EPHB1: variants seen among roughly 807,000 people sequenced by gnomAD.
The protein encoded by EPHB1 is EPH receptor B1.
Under a neutral mutation model 94.4 loss-of-function variants are expected in EPHB1, and 30 were observed. The ratio of observed to expected loss-of-function variants is 0.32; its 90% confidence interval spans 0.24 to 0.43. EPHB1 has a LOEUF of 0.43. EPHB1 is among the 20% of genes least tolerant of loss of function. EPHB1 has a pLI of 1.00. For missense variants in EPHB1, 1,055 were observed against 1,308.3 expected (o/e 0.81, Z 2.99); for synonymous variants, 522 against 489.1 (o/e 1.07, Z -0.89).
At chr3:134,981,670 T>A (rs1458252694) in intron 3 of EPHB1, among the ~76,000 whole-genome samples, 2 of 152,216 alleles carry the variant, frequency 1.3e-5, no homozygotes, top group African/African-American at 4.8e-5. Flanking sequence ...CCTGCGTGCA[T>A]CTGTGCACCC....
rs2107728072 is a variant in EPHB1, at chr3:135,241,187, A to G, written c.2386A>G (p.Ile796Val). The G allele has an allele frequency of 1.2e-6, 2 of 1,614,200 alleles. No individual in the cohort carries two copies. Among genetic ancestry groups the G allele is most frequent in the Middle Eastern group, 1.6e-4 (1 of 6,062 alleles). ...TGTGAGATGGACAGCTCCAGAGGCCATCGCCTACCGCAAGTTCACTTCAGC... is the reference window on the plus strand; with the variant it reads ...TGTGAGATGGACAGCTCCAGAGGCCGTCGCCTACCGCAAGTTCACTTCAGC... ...IPVRWTAPEA[I>V]AYRKFTSASD... is the part of the protein sequence containing the mutation. Residue 796 changes from isoleucine to valine, a missense_variant, in exon 13 of 16, where the codon ATC becomes GTC. Coordinates refer to ENST00000398015, the MANE Select transcript of EPHB1 (RefSeq NM_004441.5).
At chr3:134,896,375 G>A (rs941040876) in intron 1 of EPHB1, among the ~76,000 whole-genome samples, 13 of 152,312 alleles carry the variant, frequency 8.5e-5, no homozygotes, top group African/African-American at 3.1e-4. Context: ...ATCAGCACAA[G>A]GGGGACAATC....
In EPHB1 at chr3:135,053,007, ATATATATG is replaced by A. The variant is rs1559811021; in HGVS notation, c.806-53439_806-53432del. On this transcript the variant is annotated intron_variant, in intron 3 of 15. Coordinates refer to ENST00000398015, the MANE Select transcript of EPHB1 (RefSeq NM_004441.5). ...TGTGTGTGTATATATATGTGTGTGT[ATATATATG>A]TGTGTGTGTGTGTATATATATATAT... Among the ~76,000 whole-genome samples the A allele has an allele frequency of 5.9e-4, 20 of 33,910 alleles. 2 individuals carry two copies. Among genetic ancestry groups the A allele is most frequent in the African/African-American group, 2.7e-3 (20 of 7,282 alleles). The allele number at this position is 33,910 out of a possible 152,430, so 22.2% of individuals were successfully genotyped here. A position where few individuals can be genotyped will look rare whatever the true frequency, so the allele number is the denominator to read the frequency against.
intron 1 of EPHB1, among the ~76,000 whole-genome samples, chr3:134,836,725 A>T (rs558510221): frequency 6.6e-6 from 1 of 152,378 alleles, no homozygotes; most frequent in South Asian, 2.1e-4. Context: ...AACAACAAAT[A>T]CAAATCAGCT....
intron 1 of EPHB1, among the ~76,000 whole-genome samples, chr3:134,819,283 G>T (rs1319238861): frequency 1.3e-5 from 2 of 152,048 alleles, no homozygotes; most frequent in African/African-American, 4.8e-5. Flanking sequence ...TATGCCTTAG[G>T]GGATGGCAGC....
chr3:135,243,499 C>T (rs936992578), intron 13 of EPHB1, among the ~76,000 whole-genome samples: 3 of 152,162 alleles, frequency 2.0e-5, no homozygotes, highest in African/African-American at 7.2e-5. Context: ...TTTGCGTGCT[C>T]CTTCAAAATA....
chr3:135,258,268 G>C (rs1933502996), intron 15 of EPHB1, among the ~76,000 whole-genome samples: 1 of 152,198 alleles, frequency 6.6e-6, no homozygotes, highest in Non-Finnish European at 1.5e-5. Context: ...CATTGTGTTT[G>C]CAGTGGTTTC....
At chr3:135,179,737 G>T (rs970555002) in intron 9 of EPHB1, 123 bp from the exon 10 acceptor site, 2 of 1,160,796 alleles carry the variant, frequency 1.7e-6, no homozygotes, top group Admixed American at 4.3e-5. Context: ...GCAGAGAAAA[G>T]TTGCAGCCTG....
intron 4 of EPHB1, among the ~76,000 whole-genome samples, chr3:135,132,251 G>A (rs1190618101): frequency 6.6e-6 from 1 of 152,208 alleles, no homozygotes; most frequent in Non-Finnish European, 1.5e-5. Flanking sequence ...TCCCAAATGT[G>A]TGAGATTTTG....
chr3:134,875,886 A>G (rs1401607159), intron 1 of EPHB1, among the ~76,000 whole-genome samples: 1 of 152,030 alleles, frequency 6.6e-6, no homozygotes, highest in African/African-American at 2.4e-5. Context: ...CCAGCATCCC[A>G]CCTGACATCC....
At chr3:134,976,819 A>C (rs1483904062) in intron 3 of EPHB1, among the ~76,000 whole-genome samples, 1 of 152,160 alleles carries the variant, frequency 6.6e-6, no homozygotes, top group Non-Finnish European at 1.5e-5. Flanking sequence ...ATCCTAATAG[A>C]AACAGCAGCT....
chr3:134,885,545 A>G (rs571326003), intron 1 of EPHB1, among the ~76,000 whole-genome samples: 11 of 152,334 alleles, frequency 7.2e-5, no homozygotes, highest in Admixed American at 7.2e-4. Context: ...AGGAGAGTTG[A>G]CCAAGAGGCA....
At chr3:134,943,180 A>C (rs1193005367) in intron 2 of EPHB1, among the ~76,000 whole-genome samples, 1 of 152,220 alleles carries the variant, frequency 6.6e-6, no homozygotes, top group Non-Finnish European at 1.5e-5. Flanking sequence ...GTCATGACCA[A>C]CATGGTCTAG....
At chr3:135,058,040 G>T (rs1490225218) in intron 3 of EPHB1, among the ~76,000 whole-genome samples, 1 of 152,246 alleles carries the variant, frequency 6.6e-6, no homozygotes. Context: ...GTTCTCTGAG[G>T]CAAGATGGGA....
chr3:134,950,629 G>A (rs1932992742), intron 2 of EPHB1, among the ~76,000 whole-genome samples: 1 of 152,058 alleles, frequency 6.6e-6, no homozygotes, highest in Non-Finnish European at 1.5e-5. Flanking sequence ...GAGAGAAGGG[G>A]GAGCTCCCAG....
chr3:135,247,984 C>T (rs1003680160), intron 13 of EPHB1, among the ~76,000 whole-genome samples: 2 of 152,166 alleles, frequency 1.3e-5, no homozygotes. Flanking sequence ...CAGAATTGGG[C>T]CCTATGTCTT....
intron 1 of EPHB1, among the ~76,000 whole-genome samples, chr3:134,895,079 C>T (rs1170983389): frequency 2.6e-5 from 4 of 152,226 alleles, no homozygotes. Context: ...AATCACTTTC[C>T]TCTCTTCTGG....
intron 3 of EPHB1, among the ~76,000 whole-genome samples, chr3:135,078,461 G>C (rs1938027828): frequency 6.6e-6 from 1 of 152,210 alleles, no homozygotes; most frequent in Admixed American, 6.5e-5. Context: ...GTGCAGACAG[G>C]TAGAAGCCTG....
chr3:135,133,638 C>T (rs1312997368), intron 5 of EPHB1, among the ~76,000 whole-genome samples: 1 of 151,736 alleles, frequency 6.6e-6, no homozygotes, highest in East Asian at 2.0e-4. Flanking sequence ...TTATAGCTTG[C>T]TCTGATGAAT....
Sources: gnomAD v4.1 joint callset for allele counts (sites outside exome capture counted in the v4.1 genomes callset) on GRCh38, gnomAD v4.1.1 for gene constraint, MANE v1.5 for transcripts, NCBI Gene and HGNC (gene_info 2026-07-23, HGNC 2026-07-21) for gene names.